The following OCLN variants were observed in gnomAD, a reference collection of about 807,000 sequenced individuals.
OCLN encodes the protein phosphatase 1, regulatory subunit 115.
OCLN carries 21 observed loss-of-function variants against 47.9 expected under a neutral mutation model. That is an observed-to-expected ratio of 0.44 (90% CI 0.31 to 0.63). The LOEUF (loss-of-function observed/expected upper bound fraction) is 0.63, where lower values mean the gene tolerates loss of function less well. Ranked by LOEUF, OCLN falls within the 30% of genes least tolerant of loss-of-function variation. The pLI, the probability that OCLN is intolerant of heterozygous loss-of-function variation, is 0.08. For synonymous variants in OCLN, 117 were observed against 198.4 expected (o/e 0.59, Z 3.45); for missense variants, 360 against 571.0 (o/e 0.63, Z 3.77).
intron 1 of OCLN, among the ~76,000 whole-genome samples, chr5:69,501,867 T>A (rs900366807): frequency 6.6e-6 from 1 of 152,136 alleles, no homozygotes; most frequent in Non-Finnish European, 1.5e-5. Flanking sequence ...GGTTTAATTC[T>A]GAGAGATTTG....
chr5:69,499,991 G>C (rs34532558), intron 1 of OCLN, among the ~76,000 whole-genome samples: 15,073 of 152,220 alleles, frequency 0.099, 844 homozygotes, highest in Middle Eastern at 0.14. Context: ...CAGTAAATGG[G>C]GGCTGTTAAA....
At chr5:69,516,979 G>A (rs972598604) in intron 4 of OCLN, among the ~76,000 whole-genome samples, 3 of 152,310 alleles carry the variant, frequency 2.0e-5, no homozygotes, top group East Asian at 3.9e-4. Flanking sequence ...AGAATCACTG[G>A]AGCATGGGAG....
At chr5:69,515,262 C>T (rs1341989646) in intron 4 of OCLN, among the ~76,000 whole-genome samples, 9 of 140,802 alleles carry the variant, frequency 6.4e-5, no homozygotes, top group Admixed American at 2.8e-4. Context: ...CCGGATGGGG[C>T]GGCTGGCCGG....
intron 4 of OCLN, among the ~76,000 whole-genome samples, chr5:69,533,585 G>A (rs1377774844): frequency 2.6e-5 from 4 of 152,166 alleles, no homozygotes; most frequent in African/African-American, 7.2e-5. Flanking sequence ...GCCTCTCCGG[G>A]CCTGATAGCT....
rs1768693608 is a variant in OCLN at position 69,509,167 on chromosome 5, A to G, written c.77A>G (p.Asn26Ser). 6.2e-7 allele frequency: 1 copy of G among 1,614,046 alleles called. No individual in the cohort carries two copies. Among genetic ancestry groups the G allele is most frequent in the South Asian group, 1.1e-5 (1 of 91,088 alleles). The change falls in exon 3 of 9, where the codon AAT (asparagine) becomes AGT (serine). Residue 26 changes from asparagine (N) to serine (S), a missense_variant. This residue lies in a region of OCLN where 314 missense variants were observed against 368.1 expected (regional missense o/e 0.85). Transcript: ENST00000396442. ...AAACCGAATCATTATGCACCAAGCA[A>G]TGACATATATGGTGGAGAGATGCAT... Reference protein sequence around the residue: ...EFKPNHYAPSNDIYGGEMHVR... With the variant: ...EFKPNHYAPSSDIYGGEMHVR...
intron 7 of OCLN, among the ~76,000 whole-genome samples, chr5:69,550,079 TA>T (rs1483533422): frequency 1.9e-4 from 28 of 146,482 alleles, no homozygotes; most frequent in African/African-American, 6.7e-4. Flanking sequence ...TATCATAATT[TA>T]AGAGTCATTT....
At chr5:69,531,172 C>A (rs1377153168) in intron 4 of OCLN, among the ~76,000 whole-genome samples, 1 of 152,238 alleles carries the variant, frequency 6.6e-6, no homozygotes, top group African/African-American at 2.4e-5. Context: ...GCCCAGTCCG[C>A]TGCCTACTGA....
intron 1 of OCLN, among the ~76,000 whole-genome samples, chr5:69,503,605 T>A (rs1315873412): frequency 1.3e-5 from 2 of 152,224 alleles, no homozygotes; most frequent in Admixed American, 1.3e-4. Context: ...CTCAGATGTT[T>A]AGGAACTTGT....
chr5:69,532,926 C>G (rs922559288), intron 4 of OCLN, among the ~76,000 whole-genome samples: 1 of 151,536 alleles, frequency 6.6e-6, no homozygotes, highest in Admixed American at 6.6e-5. Context: ...CGAGATCGCA[C>G]CACTGCACTC....
rs1208814386 is a variant in OCLN at position 69,555,386 on chromosome 5, C to T, written c.*1715C>T. 6.6e-6 allele frequency: 1 copy of T among 150,906 alleles called. No homozygotes were observed. Among genetic ancestry groups the T allele is most frequent in the African/African-American group, 2.4e-5 (1 of 41,098 alleles). The allele number at this position is 150,906 out of a possible 1,614,324, so 9.3% of individuals were successfully genotyped here. The stretch of plus-strand genomic sequence containing the variant: ...TCAAACAATTCTCCTGCCTCGGCCT[C>T]CCGAGTAGCTGGGATTACAGGCATG... On this transcript the variant is annotated 3_prime_UTR_variant, in exon 9 of 9. Coordinates refer to ENST00000396442, the MANE Select transcript of OCLN (RefSeq NM_001205254.2).
intron 4 of OCLN, among the ~76,000 whole-genome samples, chr5:69,517,314 A>ATATT (rs1491391777): frequency 7.6e-6 from 1 of 131,916 alleles, no homozygotes; most frequent in African/African-American, 3.1e-5. Context: ...ATATATATAT[A>ATATT]TTTTTTTTTT....
intron 1 of OCLN, among the ~76,000 whole-genome samples, chr5:69,499,376 G>A (rs1161236974): frequency 2.0e-5 from 3 of 152,068 alleles, no homozygotes; most frequent in Non-Finnish European, 4.4e-5. Context: ...TACCTGCCCT[G>A]TAATTTTTAA....
At chr5:69,511,598 T>C (rs757565946) in intron 3 of OCLN, among the ~76,000 whole-genome samples, 3 of 152,124 alleles carry the variant, frequency 2.0e-5, no homozygotes, top group Non-Finnish European at 4.4e-5. Flanking sequence ...AAATTTTTTG[T>C]AGAGACAGGG....
chr5:69,547,014 A>G (rs1165824685), intron 6 of OCLN, among the ~76,000 whole-genome samples: 1 of 147,810 alleles, frequency 6.8e-6, no homozygotes, highest in Non-Finnish European at 1.5e-5. Context: ...GTGATACAAA[A>G]TTTCAGTTTT....
intron 4 of OCLN, among the ~76,000 whole-genome samples, chr5:69,514,947 A>G (rs1430092257): frequency 1.3e-5 from 2 of 152,204 alleles, no homozygotes; most frequent in African/African-American, 4.8e-5. Flanking sequence ...CATGGCAACC[A>G]TCCGATTTCT....
intron 4 of OCLN, among the ~76,000 whole-genome samples, chr5:69,516,781 G>A (rs1768984319): frequency 6.6e-6 from 1 of 152,146 alleles, no homozygotes; most frequent in Admixed American, 6.5e-5. Flanking sequence ...TAGAGGCCAG[G>A]TGTGGTGGCT....
intron 4 of OCLN, among the ~76,000 whole-genome samples, chr5:69,526,586 A>G (rs1031994631): frequency 1.8e-5 from 1 of 55,856 alleles, no homozygotes; most frequent in Non-Finnish European, 6.3e-5. Context: ...ACTCTCAGGG[A>G]ATTTCAGAAT....
chr5:69,533,540 G>C (rs768235716), intron 4 of OCLN, among the ~76,000 whole-genome samples: 7 of 152,156 alleles, frequency 4.6e-5, no homozygotes, highest in Non-Finnish European at 1.0e-4. Flanking sequence ...ATAGCTCAAG[G>C]GGGAAGTAGG....
intron 4 of OCLN, among the ~76,000 whole-genome samples, chr5:69,517,425 C>T (rs1338326264): frequency 6.6e-6 from 1 of 151,648 alleles, no homozygotes; most frequent in African/African-American, 2.4e-5. Flanking sequence ...ATTCTCCTGC[C>T]TTGGCCTCCC....
Sources: gnomAD v4.1 joint callset for allele counts (sites outside exome capture counted in the v4.1 genomes callset) on GRCh38, gnomAD v4.1.1 for gene constraint, gnomAD v4.1.1 regional missense constraint, MANE v1.5 for transcripts, NCBI Gene and HGNC (gene_info 2026-07-23, HGNC 2026-07-21) for gene names.